The following LRRC15 variants were observed in gnomAD, a reference collection of about 807,000 sequenced individuals.
LRRC15 encodes leucine-rich repeat-containing protein 15.
In LRRC15, 5 loss-of-function variants were observed where a neutral mutation model predicts 4.3. That is an observed-to-expected ratio of 1.16 (90% confidence interval 0.61 to 2.44). The LOEUF (loss-of-function observed/expected upper bound fraction) is 2.44. LRRC15 is among the 30% of genes most tolerant of loss of function. LRRC15 has a pLI of 0.01. For missense variants in LRRC15, 769 were observed against 747.0 expected, an observed-to-expected ratio of 1.03 and a Z score of -0.34; for synonymous variants, 337 against 323.2, an observed-to-expected ratio of 1.04 and a Z score of -0.46.
chr3:194,357,386 C>T lies in LRRC15; in HGVS notation c.*1912G>A, dbSNP rs1226708461. 1.3e-5 allele frequency: 2 copies of T among 152,114 alleles called. No homozygotes were observed. The highest frequency in any genetic ancestry group is 2.9e-5 in the Non-Finnish European group (2 of 68,034). 9.4% of individuals were successfully genotyped at this position (152,114 alleles called of 1,614,324 possible). A position where few individuals can be genotyped will look rare whatever the true frequency, so the allele number is the denominator to read the frequency against. On this transcript the variant is annotated 3_prime_UTR_variant, in exon 2 of 2. Transcript: ENST00000347624. ...TGTGGAGCGGGGAGCTAATAAGAGC[C>T]GATCGGGATTGGTCGTGGATTTCCA... is the stretch of plus-strand genomic sequence containing the variant.
rs1272053222 is a variant in LRRC15 at position 194,367,557 on chromosome 3, C to G, written c.-4+2104G>C. Among the ~76,000 whole-genome samples, 5 of 152,306 alleles carry G rather than the reference C, an allele frequency of 3.3e-5. No homozygotes were observed. The Middle Eastern group carries it at 0.01, about 311-fold the overall frequency. On this transcript the variant is annotated intron_variant, in intron 1 of 1. Transcript: ENST00000347624. ...TCCTGACCTCATGATCCTCCCGCCT[C>G]GGCCTCCCAAAGTGCTGAGATTACA...
Position 194,359,736 on chromosome 3 carries a change from G to A in LRRC15, c.1308C>T (p.Asn436=), listed in dbSNP as rs144634826. 8.1e-6 allele frequency: 13 copies of A among 1,614,088 alleles called. No homozygotes were observed. In the African/African-American group the frequency reaches 1.7e-4, roughly 22 times the overall value. ...RCDSDILPLR[N]WLLLNQPRLG... is the part of the protein sequence containing the mutation. ...ACCTAGGCTGGTTGAGCAGGAGCCA[G>A]TTGCGGAGCGGAAGGATGTCTGAGT... Residue 436 remains asparagine, a synonymous_variant, in exon 2 of 2, where the codon AAC becomes AAT. Coordinates refer to ENST00000347624, the MANE Select transcript of LRRC15 (RefSeq NM_130830.5).
chr3:194,367,178 T>C (rs949932741), intron 1 of LRRC15, among the ~76,000 whole-genome samples: 2 of 152,196 alleles, frequency 1.3e-5, no homozygotes, highest in African/African-American at 4.8e-5. Flanking sequence ...CCTGGAGGAC[T>C]GTAGGGAAGG....
intron 1 of LRRC15, among the ~76,000 whole-genome samples, chr3:194,365,833 C>T (rs59950502): frequency 0.14 from 21,667 of 152,170 alleles, 1,911 homozygotes; most frequent in African/African-American, 0.24. Flanking sequence ...TCAGCATGTC[C>T]GCACACAGCC....
At position 194,359,917 on chromosome 3, in the gene LRRC15, C is replaced by G. The variant is rs145451484; in HGVS notation, c.1127G>C (p.Arg376Pro). 2 of 1,614,112 alleles carry G rather than the reference C, an allele frequency of 1.2e-6. No homozygotes were observed. The highest frequency in any genetic ancestry group is 1.7e-6 in the Non-Finnish European group (2 of 1,180,002). Residue 376 changes from arginine (R) to proline (P), a missense_variant, in exon 2 of 2, where the codon CGC (arginine) becomes CCC (proline). Physicochemically the swap from Arg to Pro is moderately radical, Grantham distance 103. Transcript: ENST00000347624. ...NLQNISLQNN[R>P]LRQLPGNIFA... Reference sequence around the variant, plus strand: ...GATATTCCCTGGGAGCTGTCTGAGGCGGTTGTTCTGCAGGGAGATGTTCTG... The same window carrying G: ...GATATTCCCTGGGAGCTGTCTGAGGGGGTTGTTCTGCAGGGAGATGTTCTG...
In LRRC15 at chr3:194,360,307, T is replaced by TTG. The variant is rs780782442; in HGVS notation, c.735_736dup (p.Asn246ThrfsTer37). The TTG allele has an allele frequency of 1.9e-6, 3 of 1,613,350 alleles. No individual in the cohort carries two copies. Among genetic ancestry groups the TTG allele is most frequent in the Non-Finnish European group, 2.5e-6 (3 of 1,179,880 alleles). ...GTTGGACAGGTAGAGTCTCTGGAGG[T>TTG]TGTGGTTGTTGTGGAAGAGACCAGG... On this transcript the variant is annotated frameshift_variant, in exon 2 of 2. Coordinates refer to ENST00000347624, the MANE Select transcript of LRRC15 (RefSeq NM_130830.5). LOFTEE classifies it low-confidence loss of function (END_TRUNC).
In LRRC15 at chr3:194,361,030, T is replaced by C; in HGVS notation, c.14A>G (p.His5Arg). The change falls in exon 2 of 2, where the codon CAT becomes CGT. Residue 5 changes from histidine (H) to arginine (R), a missense_variant. By Grantham distance (29) the His-to-Arg change is conservative (BLOSUM62 0). Transcript: ENST00000347624. MPLK[H>R]YLLLLVGCQA... Reference sequence around the variant, plus strand: ...GCAGCCCACCAGCAAAAGGAGATAATGCTTCAGTGGCATAGCCTGTGCAAG... The same window carrying C: ...GCAGCCCACCAGCAAAAGGAGATAACGCTTCAGTGGCATAGCCTGTGCAAG... 1.3e-6 allele frequency: 2 copies of C among 1,514,136 alleles called. No individual in the cohort carries two copies. The highest frequency in any genetic ancestry group is 1.8e-6 in the Non-Finnish European group (2 of 1,138,086). The allele number at this position is 1,514,136 out of a possible 1,614,324, so 93.8% of individuals were successfully genotyped here.
In LRRC15 at chr3:194,359,038, A is replaced by C; in HGVS notation, c.*260T>G. The C allele has an allele frequency of 2.9e-6, 1 of 346,366 alleles. No individual in the cohort carries two copies. Among genetic ancestry groups the C allele is most frequent in the Non-Finnish European group, 5.2e-6 (1 of 191,254 alleles). 21.5% of individuals were successfully genotyped at this position (346,366 alleles called of 1,614,324 possible). A position where few individuals can be genotyped will look rare whatever the true frequency, so the allele number is the denominator to read the frequency against. ...TTGGAGGAAGAGCCCTCTCGAAGGA[A>C]GCCCAGGGGTATGAATCGGAAATCC... is the stretch of plus-strand genomic sequence containing the variant. On this transcript the variant is annotated 3_prime_UTR_variant, in exon 2 of 2. Transcript: ENST00000347624.
intron 1 of LRRC15, among the ~76,000 whole-genome samples, chr3:194,363,171 C>T (rs1314510393): frequency 5.9e-5 from 9 of 152,082 alleles, no homozygotes; most frequent in Admixed American, 4.6e-4. Context: ...GATCTCCTGA[C>T]CTCGTGATCT....
At chr3:194,363,475 A>G in intron 1 of LRRC15, 2 of 607,910 alleles carry the variant, frequency 3.3e-6, no homozygotes, top group East Asian at 2.9e-5. Flanking sequence ...ACAGAAAACA[A>G]GCTGCCTAAA....
At position 194,361,062 on chromosome 3, in the gene LRRC15, GA is replaced by G. The variant is rs1713616878; in HGVS notation, c.-3-17del. 1 of 1,492,504 alleles carries G rather than the reference GA, an allele frequency of 6.7e-7. No homozygotes were observed. The highest frequency in any genetic ancestry group is 8.9e-7 in the Non-Finnish European group (1 of 1,127,908). The allele number at this position is 1,492,504 out of a possible 1,614,324, so 92.5% of individuals were successfully genotyped here. A position where few individuals can be genotyped will look rare whatever the true frequency, so the allele number is the denominator to read the frequency against. On this transcript the variant is annotated splice_polypyrimidine_tract_variant and intron_variant, in intron 1 of 1. Transcript: ENST00000347624. ...GTGGCATAGCCTGTGCAAGGGGAGA[GA>G]GCACACGTTAGTCAGGGTCCTCTAC...
Position 194,359,489 on chromosome 3 carries a change from T to G in LRRC15, c.1555A>C (p.Thr519Pro). Residue 519 changes from threonine (T) to proline (P), a missense_variant, in exon 2 of 2, where the codon ACT becomes CCT. Thr to Pro is a conservative substitution (Grantham distance 38). Transcript: ENST00000347624. ...CGGTCATCAGTGACCTGAATGGTAG[T>G]CAGATCAGTGTAGTCTTCCACAGGG... is the stretch of plus-strand genomic sequence containing the variant. ...TSPVEDYTDL[T>P]TIQVTDDRSV... The G allele has an allele frequency of 3.1e-6, 5 of 1,614,214 alleles. No homozygotes were observed. Among genetic ancestry groups the G allele is most frequent in the Non-Finnish European group, 4.2e-6 (5 of 1,180,034 alleles).
chr3:194,367,500 G>T (rs1713814753), intron 1 of LRRC15, among the ~76,000 whole-genome samples: 1 of 152,152 alleles, frequency 6.6e-6, no homozygotes, highest in Non-Finnish European at 1.5e-5. Context: ...TAGAGACAGG[G>T]TTTCGTCGTG....
At chr3:194,366,178 C>T (rs1005818114) in intron 1 of LRRC15, among the ~76,000 whole-genome samples, 4 of 152,214 alleles carry the variant, frequency 2.6e-5, no homozygotes, top group African/African-American at 9.7e-5. Context: ...GGCCTCCGTG[C>T]CTCCAGACCT....
chr3:194,362,178 A>T (rs1465772550), intron 1 of LRRC15, among the ~76,000 whole-genome samples: 1 of 151,560 alleles, frequency 6.6e-6, no homozygotes, highest in Non-Finnish European at 1.5e-5. Context: ...GATATGGGAC[A>T]TAGGTGCTGG....
In LRRC15 at chr3:194,360,246, C is replaced by T. The variant is rs375784312; in HGVS notation, c.798G>A (p.Met266Ile). Reference protein sequence around the residue: ...HISQLPPSVFMQLPQLNRLTL... With the variant: ...HISQLPPSVFIQLPQLNRLTL... The stretch of plus-strand genomic sequence containing the variant: ...TAAGACGGTTGAGCTGGGGCAGCTG[C>T]ATGAAGACGCTGGGTGGCAGCTGGG... The change falls in exon 2 of 2, where the codon ATG (methionine) becomes ATA (isoleucine). Residue 266 changes from methionine (M) to isoleucine (I), a missense_variant. By Grantham distance (10) the Met-to-Ile change is conservative. Coordinates refer to ENST00000347624, the MANE Select transcript of LRRC15 (RefSeq NM_130830.5). 8.1e-6 allele frequency: 13 copies of T among 1,613,746 alleles called. No individual in the cohort carries two copies. The Middle Eastern group carries it at 1.3e-3, about 164-fold the overall frequency.
At chr3:194,362,452 C>T (rs4485667) in intron 1 of LRRC15, among the ~76,000 whole-genome samples, 33,257 of 152,072 alleles carry the variant, frequency 0.22, 3,842 homozygotes, top group Non-Finnish European at 0.26. Context: ...CTGGTCTTGG[C>T]ATTCGTAGTC....
At chr3:194,362,302 T>C (rs1713653132) in intron 1 of LRRC15, among the ~76,000 whole-genome samples, 1 of 152,150 alleles carries the variant, frequency 6.6e-6, no homozygotes, top group Admixed American at 6.5e-5. Context: ...CGCCCCGTTC[T>C]TGGGGCTGTT....
chr3:194,366,750 A>C lies in LRRC15; in HGVS notation c.-4+2911T>G, dbSNP rs112292262. Among the ~76,000 whole-genome samples, 1,233 of 152,284 alleles carry C rather than the reference A, an allele frequency of 8.1e-3. 22 individuals carry two copies. Among genetic ancestry groups the C allele is most frequent in the African/African-American group, 0.027 (1,138 of 41,540 alleles). On this transcript the variant is annotated intron_variant, in intron 1 of 1. Coordinates refer to ENST00000347624, the MANE Select transcript of LRRC15 (RefSeq NM_130830.5). The stretch of plus-strand genomic sequence containing the variant: ...TCCAGAAACGGTACTTAGAGCCTGG[A>C]GCATCAGAGGTGCAAGAGCTTTCTG...
Sources: gnomAD v4.1 joint callset for allele counts (sites outside exome capture counted in the v4.1 genomes callset) on GRCh38, gnomAD v4.1.1 for gene constraint, MANE v1.5 for transcripts, NCBI Gene and HGNC (gene_info 2026-07-23, HGNC 2026-07-21) for gene names.